The following MACO1 variants were observed in gnomAD, a reference collection of about 807,000 sequenced individuals.
The protein encoded by MACO1 is macoilin 1, also known as macoilin.
Under a neutral mutation model 78.7 loss-of-function variants are expected in MACO1, and 14 were observed. The ratio of observed to expected loss-of-function variants is 0.18; its 90% CI spans 0.12 to 0.28. MACO1 has a LOEUF of 0.28. Among genes scored for constraint, MACO1 ranks in the 10% least tolerant of loss-of-function variants. The pLI is 1.00. For missense variants in MACO1, 501 were observed against 799.0 expected (o/e 0.63, Z 4.50); for synonymous variants, 288 against 291.6 (o/e 0.99, Z 0.12).
intron 10 of MACO1, among the ~76,000 whole-genome samples, chr1:25,491,911 A>G (rs1024242181): frequency 2.6e-5 from 4 of 152,228 alleles, no homozygotes; most frequent in African/African-American, 9.6e-5. Context: ...CTGAGGGAAC[A>G]TAGAAAGAGT....
intron 3 of MACO1, among the ~76,000 whole-genome samples, chr1:25,451,585 T>C (rs1226902107): frequency 1.3e-5 from 2 of 152,158 alleles, no homozygotes; most frequent in Non-Finnish European, 2.9e-5. Flanking sequence ...TTCTGTGGGT[T>C]GCTGTTCTTC....
chr1:25,452,698 G>GTTTT (rs1161208655), intron 3 of MACO1, among the ~76,000 whole-genome samples: 2 of 133,968 alleles, frequency 1.5e-5, no homozygotes, highest in Non-Finnish European at 3.2e-5. Flanking sequence ...ACGGTGAATT[G>GTTTT]TTTTTTTTTT....
chr1:25,476,738 G>A (rs2043324416), intron 6 of MACO1, among the ~76,000 whole-genome samples: 1 of 152,174 alleles, frequency 6.6e-6, no homozygotes, highest in Non-Finnish European at 1.5e-5. Flanking sequence ...ATGGAACTAG[G>A]TACTAATCGA....
At chr1:25,441,332 A>G (rs2042970494) in intron 1 of MACO1, among the ~76,000 whole-genome samples, 2 of 152,080 alleles carry the variant, frequency 1.3e-5, no homozygotes, top group African/African-American at 2.4e-5. Flanking sequence ...CTGGGATTAC[A>G]GGCATCTGCC....
chr1:25,445,318 T>A (rs988446969), intron 1 of MACO1, among the ~76,000 whole-genome samples: 2 of 151,518 alleles, frequency 1.3e-5, no homozygotes, highest in Admixed American at 1.3e-4. Flanking sequence ...AAAAAAAGAT[T>A]GCGTTCTTTT....
At chr1:25,431,303 G>A (rs2042864095) in intron 1 of MACO1, 125 bp downstream of exon 1, 1 of 551,820 alleles carries the variant, frequency 1.8e-6, no homozygotes, top group Non-Finnish European at 2.7e-6. Flanking sequence ...CTCCTAAGGA[G>A]CGCTGGCCCC....
chr1:25,472,977 T>C (rs2043287175), intron 6 of MACO1, among the ~76,000 whole-genome samples: 1 of 152,242 alleles, frequency 6.6e-6, no homozygotes, highest in Admixed American at 6.5e-5. Context: ...ATGTTGGCTA[T>C]AGCTGCTGCT....
chr1:25,475,022 A>G (rs192161440), intron 6 of MACO1, among the ~76,000 whole-genome samples: 1 of 152,316 alleles, frequency 6.6e-6, no homozygotes, highest in East Asian at 1.9e-4. Flanking sequence ...GAGCAGATGA[A>G]TAGGAAGTAG....
chr1:25,441,455 G>T (rs542879062), intron 1 of MACO1, among the ~76,000 whole-genome samples: 1 of 152,308 alleles, frequency 6.6e-6, no homozygotes, highest in South Asian at 2.1e-4. Flanking sequence ...AAAGTGCTGG[G>T]ATTATAGGCG....
chr1:25,468,179 A>T (rs928539587), intron 6 of MACO1, among the ~76,000 whole-genome samples: 1 of 152,064 alleles, frequency 6.6e-6, no homozygotes, highest in Non-Finnish European at 1.5e-5. Flanking sequence ...GAGTGTACTT[A>T]CTTATCTCTA....
chr1:25,440,692 T>C (rs986625353), intron 1 of MACO1, among the ~76,000 whole-genome samples: 3 of 144,328 alleles, frequency 2.1e-5, no homozygotes, highest in Non-Finnish European at 4.5e-5. Context: ...TCACTTGAAC[T>C]GGGAGGTAGA....
intron 8 of MACO1, among the ~76,000 whole-genome samples, chr1:25,488,390 G>A (rs2043453891): frequency 1.3e-5 from 2 of 152,152 alleles, no homozygotes; most frequent in Admixed American, 1.3e-4. Flanking sequence ...AAAGGACACA[G>A]AGAACTGAGC....
rs2043419166 is a variant in MACO1 at position 25,485,244 on chromosome 1, G to A, written c.1314-369G>A. 6.6e-6 allele frequency among the ~76,000 whole-genome samples: 1 copy of A among 152,126 alleles called. No individual in the cohort carries two copies. Among genetic ancestry groups the A allele is most frequent in the Admixed American group, 6.5e-5 (1 of 15,270 alleles). ...TTTCACTGGGGCTGGTCCCATCAGT[G>A]GTTCTTTGGTGGGACTGAAGTTCTT... is the stretch of plus-strand genomic sequence containing the variant. On this transcript the variant is annotated intron_variant, in intron 7 of 10. Coordinates refer to ENST00000374343, the MANE Select transcript of MACO1 (RefSeq NM_018202.6). The surrounding 1 kb of genome is among the most constrained non-coding windows in gnomAD (Gnocchi z 4.3).
intron 6 of MACO1, among the ~76,000 whole-genome samples, chr1:25,466,444 G>C (rs2043219981): frequency 6.6e-6 from 1 of 152,138 alleles, no homozygotes; most frequent in Non-Finnish European, 1.5e-5. Context: ...CTCTCGAGTA[G>C]CTGGGATTAC....
chr1:25,440,137 C>G (rs1046353068), intron 1 of MACO1, among the ~76,000 whole-genome samples: 4 of 150,042 alleles, frequency 2.7e-5, no homozygotes, highest in African/African-American at 9.8e-5. Context: ...CCTGTAGTCC[C>G]AACACTTTGG....
intron 6 of MACO1, among the ~76,000 whole-genome samples, chr1:25,465,877 A>G (rs1293169808): frequency 6.6e-6 from 1 of 152,188 alleles, no homozygotes; most frequent in Non-Finnish European, 1.5e-5. Context: ...GGCTTTTCGC[A>G]TCTGGCTTGT....
chr1:25,469,697 T>C (rs541059853), intron 6 of MACO1, among the ~76,000 whole-genome samples: 88 of 147,878 alleles, frequency 6.0e-4, no homozygotes, highest in African/African-American at 2.1e-3. Context: ...AGTGCAGTGG[T>C]CCGATCTCGG....
chr1:25,479,482 T>G (rs2043351822), intron 6 of MACO1, among the ~76,000 whole-genome samples: 1 of 152,132 alleles, frequency 6.6e-6, no homozygotes, highest in African/African-American at 2.4e-5. Context: ...GGTGTGATCT[T>G]GGCTCACTGC....
In MACO1 at chr1:25,476,467, C is replaced by A. The variant is rs148368030; in HGVS notation, c.1155-7649C>A. ...TATACCTGCTACACTGAAGCAGGGT[C>A]ATGTTAGTGTAGGCCTCACTTAAGA... On this transcript the variant is annotated intron_variant, in intron 6 of 10. Transcript: ENST00000374343. Among the ~76,000 whole-genome samples the A allele has an allele frequency of 2.3e-3, 344 of 152,288 alleles. 1 individual carries two copies. Among genetic ancestry groups the A allele is most frequent in the African/African-American group, 7.8e-3 (323 of 41,552 alleles).
Sources: gnomAD v4.1 joint callset for allele counts (sites outside exome capture counted in the v4.1 genomes callset) on GRCh38, gnomAD v4.1.1 for gene constraint, Gnocchi (gnomAD v3.1) non-coding constraint, MANE v1.5 for transcripts, NCBI Gene and HGNC (gene_info 2026-07-23, HGNC 2026-07-21) for gene names.